Variants in TCAIM observed in about 807,000 individuals in gnomAD.
The protein encoded by TCAIM is T cell activation inhibitor, mitochondrial.
TCAIM carries 36 observed loss-of-function variants against 58.6 expected under a neutral mutation model. That is an observed-to-expected ratio of 0.61 (90% confidence interval 0.47 to 0.81). TCAIM has a LOEUF of 0.81. Among genes scored for constraint, TCAIM ranks in the 30% least tolerant of loss-of-function variants. TCAIM has a pLI of 0.00. For synonymous variants in TCAIM, 172 were observed against 193.6 expected (o/e 0.89, Z 0.93); for missense variants, 466 against 579.6 (o/e 0.80, Z 2.01).
At chr3:44,351,973 A>C (rs1018766773) in intron 1 of TCAIM, among the ~76,000 whole-genome samples, 3 of 151,292 alleles carry the variant, frequency 2.0e-5, no homozygotes, top group Non-Finnish European at 2.9e-5. Context: ...AATAACAGTT[A>C]TGCTTCATTA....
chr3:44,393,032 C>A, intron 6 of TCAIM, 55 bp downstream of exon 6: 1 of 1,509,020 alleles, frequency 6.6e-7, no homozygotes, highest in Non-Finnish European at 9.1e-7. Context: ...GAATTACCAA[C>A]TGATAAGCTT....
At chr3:44,392,406 G>T (rs1165617842) in intron 5 of TCAIM, among the ~76,000 whole-genome samples, 2 of 152,008 alleles carry the variant, frequency 1.3e-5, no homozygotes, top group Non-Finnish European at 2.9e-5. Context: ...GGGGTTTGTT[G>T]TACAGTTTAT....
At chr3:44,388,830 C>T (rs1308247448) in intron 5 of TCAIM, among the ~76,000 whole-genome samples, 1 of 152,180 alleles carries the variant, frequency 6.6e-6, no homozygotes, top group Non-Finnish European at 1.5e-5. Context: ...GTTCCAGGTT[C>T]ATCTGGACTG....
rs1236441685 is a variant in TCAIM at position 44,400,556 on chromosome 3, A to C, written c.1087A>C (p.Ser363Arg). The change falls in exon 9 of 11, where the codon AGT becomes CGT. Residue 363 changes from serine (S) to arginine (R), a missense_variant. Ser to Arg is a moderately radical substitution (Grantham distance 110). Transcript: ENST00000342649. ...LKSRILFHPR[S>R]LRGLQMILNS... Reference sequence around the variant, plus strand: ...AAGTAGAATACTATTTCACCCTCGAAGTTTGCGTGGTTTACAAATGATCCT... The same window carrying C: ...AAGTAGAATACTATTTCACCCTCGACGTTTGCGTGGTTTACAAATGATCCT... 2 of 1,613,412 alleles carry C rather than the reference A, an allele frequency of 1.2e-6. No homozygotes were observed. The highest frequency in any genetic ancestry group is 2.7e-5 in the African/African-American group (2 of 74,906).
At chr3:44,361,945 C>A (rs942217209) in intron 4 of TCAIM, among the ~76,000 whole-genome samples, 1 of 152,204 alleles carries the variant, frequency 6.6e-6, no homozygotes, top group Non-Finnish European at 1.5e-5. Flanking sequence ...GAACCCAGGT[C>A]TTTGAACTCC....
intron 1 of TCAIM, among the ~76,000 whole-genome samples, chr3:44,350,916 G>A (rs558324832): frequency 6.6e-6 from 1 of 152,270 alleles, no homozygotes; most frequent in Non-Finnish European, 1.5e-5. Context: ...AGGTTATTTT[G>A]TTCATCTTAT....
intron 5 of TCAIM, among the ~76,000 whole-genome samples, chr3:44,380,928 C>T (rs2125645368): frequency 6.6e-6 from 1 of 152,190 alleles, no homozygotes; most frequent in South Asian, 2.1e-4. Flanking sequence ...TCTAGAAACA[C>T]AAAATCTACC....
In TCAIM at chr3:44,361,526, TTTTA is replaced by T. The variant is rs1701296161; in HGVS notation, c.319+12_319+15del. On this transcript the variant is annotated intron_variant, in intron 4 of 10. Coordinates refer to ENST00000342649, the MANE Select transcript of TCAIM (RefSeq NM_173826.4). Reference sequence around the variant, plus strand: ...AACCTTTTAGTACTTCCGGTACGTTTTTTATTTCTGGTGTGTCCCTTGCAAGCTT... The same window carrying T: ...AACCTTTTAGTACTTCCGGTACGTTTTTTCTGGTGTGTCCCTTGCAAGCTT... 1.3e-6 allele frequency: 2 copies of T among 1,587,006 alleles called. No individual in the cohort carries two copies.
intron 1 of TCAIM, among the ~76,000 whole-genome samples, chr3:44,346,677 G>T (rs888860496): frequency 2.6e-5 from 4 of 152,196 alleles, no homozygotes; most frequent in Admixed American, 6.5e-5. Flanking sequence ...TAGGGAGTGA[G>T]TTGAGCATAG....
At chr3:44,358,521 A>C in intron 3 of TCAIM, 2 of 448,576 alleles carry the variant, frequency 4.5e-6, no homozygotes, top group Non-Finnish European at 7.7e-6. Flanking sequence ...TATTCCCTGA[A>C]CAACACAGGA....
At chr3:44,401,710 T>G (rs1702023846) in intron 10 of TCAIM, among the ~76,000 whole-genome samples, 1 of 152,238 alleles carries the variant, frequency 6.6e-6, no homozygotes. Flanking sequence ...GTATCTTGAT[T>G]AAGTTGAGAA....
chr3:44,356,239 A>T (rs1701187809), intron 2 of TCAIM, among the ~76,000 whole-genome samples: 1 of 152,208 alleles, frequency 6.6e-6, no homozygotes, highest in Non-Finnish European at 1.5e-5. Context: ...TAAAAAGCTT[A>T]GGTTGGGCCA....
rs1412651184 is a variant in TCAIM at position 44,407,868 on chromosome 3, G to C, written c.*186G>C. ...GAGGTTTTATATGCCAGGCGTGGTG[G>C]CTCATGCCTGCGGTCCCAGCTACTT... On this transcript the variant is annotated 3_prime_UTR_variant, in exon 11 of 11. Transcript: ENST00000342649. 1 of 572,712 alleles carries C rather than the reference G, an allele frequency of 1.7e-6. No homozygotes were observed. The highest frequency in any genetic ancestry group is 3.9e-5 in the Admixed American group (1 of 25,464). The allele number at this position is 572,712 out of a possible 1,614,324, so 35.5% of individuals were successfully genotyped here. A position where few individuals can be genotyped will look rare whatever the true frequency, so the allele number is the denominator to read the frequency against.
intron 8 of TCAIM, among the ~76,000 whole-genome samples, chr3:44,398,859 G>A (rs1430549822): frequency 6.6e-6 from 1 of 152,216 alleles, no homozygotes; most frequent in Non-Finnish European, 1.5e-5. Context: ...ATGAGCTATT[G>A]ATACATGCAG....
chr3:44,396,334 T>C (rs1701933958), intron 6 of TCAIM, 66 bp from the exon 7 acceptor site: 1 of 1,381,946 alleles, frequency 7.2e-7, no homozygotes, highest in Non-Finnish European at 1.0e-6. Context: ...CCAGTAGTTG[T>C]GGTGGGTGCT....
intron 5 of TCAIM, among the ~76,000 whole-genome samples, chr3:44,384,302 G>A (rs1223411212): frequency 6.6e-6 from 1 of 152,202 alleles, no homozygotes; most frequent in Non-Finnish European, 1.5e-5. Context: ...CTAGAGTCTG[G>A]TTAGACAAGG....
At position 44,406,392 on chromosome 3, in the gene TCAIM, C is replaced by G. The variant is rs550803988; in HGVS notation, c.1251-1050C>G. Among the ~76,000 whole-genome samples the G allele has an allele frequency of 1.9e-4, 29 of 152,294 alleles. No individual in the cohort carries two copies. In the South Asian group the frequency reaches 6.0e-3, roughly 32 times the overall value. ...GTTTAAGGGTTCTTTCTGTCTAATCCTGGAGAGATTAGAAGCAGGCCCAGC... is the reference window on the plus strand; with the variant it reads ...GTTTAAGGGTTCTTTCTGTCTAATCGTGGAGAGATTAGAAGCAGGCCCAGC... On this transcript the variant is annotated intron_variant, in intron 10 of 10. Coordinates refer to ENST00000342649, the MANE Select transcript of TCAIM (RefSeq NM_173826.4).
At chr3:44,356,293 G>A (rs1179006578) in intron 2 of TCAIM, among the ~76,000 whole-genome samples, 2 of 152,300 alleles carry the variant, frequency 1.3e-5, no homozygotes, top group African/African-American at 2.4e-5. Context: ...TTGGGAGGCC[G>A]AGGCGGGCAG....
chr3:44,363,947 T>C (rs941475995), intron 4 of TCAIM, among the ~76,000 whole-genome samples: 5 of 89,972 alleles, frequency 5.6e-5, no homozygotes, highest in African/African-American at 7.1e-5. Flanking sequence ...TTTTTTTTTT[T>C]CATACGGAGT....
Sources: allele counts gnomAD v4.1 joint callset (sites outside exome capture counted in the v4.1 genomes callset), GRCh38; gene constraint gnomAD v4.1.1; transcripts MANE v1.5; gene names NCBI Gene and HGNC (gene_info 2026-07-23, HGNC 2026-07-21).